Variants in TMEM248 observed in about 807,000 individuals in gnomAD.
TMEM248 encodes the protein transmembrane protein 248, also known as UPF0458 protein C7orf42.
In TMEM248, 9 loss-of-function variants were observed where a neutral mutation model predicts 30.3. That is an observed-to-expected ratio of 0.30 (90% CI 0.18 to 0.52). The LOEUF is 0.52. Ranked by LOEUF, TMEM248 falls within the 20% of genes least tolerant of loss-of-function variation. The pLI is 0.97. For missense variants in TMEM248, 338 were observed against 403.3 expected, an observed-to-expected ratio of 0.84 and a Z score of 1.39; for synonymous variants, 184 against 154.4, an observed-to-expected ratio of 1.19 and a Z score of -1.42.
chr7:66,941,146 G>A (rs1338463938), intron 1 of TMEM248, among the ~76,000 whole-genome samples: 1 of 152,084 alleles, frequency 6.6e-6, no homozygotes, highest in African/African-American at 2.4e-5. Context: ...ACTTTGGGGG[G>A]CCAAGGCAGG....
At chr7:66,927,733 A>G (rs563189546) in intron 1 of TMEM248, among the ~76,000 whole-genome samples, 46 of 151,892 alleles carry the variant, frequency 3.0e-4, no homozygotes, top group Middle Eastern at 3.4e-3. Context: ...TTGGGATTAC[A>G]GGCATGAAAC....
At chr7:66,935,190 T>C (rs1951243327) in intron 1 of TMEM248, among the ~76,000 whole-genome samples, 2 of 152,132 alleles carry the variant, frequency 1.3e-5, no homozygotes, top group South Asian at 2.1e-4. Context: ...ATTATTGTTA[T>C]TATTATTTTT....
At chr7:66,939,592 G>T (rs543021647) in intron 1 of TMEM248, among the ~76,000 whole-genome samples, 2 of 152,216 alleles carry the variant, frequency 1.3e-5, no homozygotes, top group Admixed American at 6.5e-5. Flanking sequence ...TGCTCATTGT[G>T]TGCCAGCTAC....
chr7:66,945,011 G>A lies in TMEM248; in HGVS notation c.195G>A (p.Leu65=). The A allele has an allele frequency of 6.2e-7, 1 of 1,614,122 alleles. No homozygotes were observed. The highest frequency in any genetic ancestry group is 2.2e-5 in the East Asian group (1 of 44,888). Residue 65 remains leucine (L), a synonymous_variant, in exon 3 of 7, where the codon TTG becomes TTA. Transcript: ENST00000341567. ...WNTFLLRFND[L]DLCVSENETL... is the part of the protein sequence containing the mutation. ...CTTTTCTGCTACGGTTCAATGATTT[G>A]GACTTGTGTGTATCAGAGAATGAAA...
At chr7:66,930,135 A>G (rs1247069913) in intron 1 of TMEM248, among the ~76,000 whole-genome samples, 1 of 152,158 alleles carries the variant, frequency 6.6e-6, no homozygotes, top group Non-Finnish European at 1.5e-5. Flanking sequence ...TAGCCTGGGC[A>G]CCAGAGCCAG....
intron 2 of TMEM248, 116 bp downstream of exon 2, chr7:66,942,140 T>C (rs976260199): frequency 6.1e-6 from 7 of 1,138,394 alleles, no homozygotes; most frequent in South Asian, 3.4e-5. Context: ...GTGAGAAAAA[T>C]CAGTATTTAT....
chr7:66,948,493 T>C (rs1222737190), intron 3 of TMEM248, 51 bp from the exon 4 acceptor site: 1 of 1,574,762 alleles, frequency 6.4e-7, no homozygotes. Context: ...TCCCAGAGAA[T>C]GACAAGTACG....
intron 1 of TMEM248, 56 bp from the exon 2 acceptor site, chr7:66,941,792 T>C: frequency 6.7e-7 from 1 of 1,488,020 alleles, no homozygotes; most frequent in South Asian, 1.4e-5. Flanking sequence ...AACAAAAGAA[T>C]CATAGCTTTC....
At chr7:66,935,351 G>A (rs889208197) in intron 1 of TMEM248, among the ~76,000 whole-genome samples, 4 of 151,678 alleles carry the variant, frequency 2.6e-5, no homozygotes, top group African/African-American at 7.3e-5. Flanking sequence ...CCTGTCTAAC[G>A]TTTGTATTTT....
intron 1 of TMEM248, among the ~76,000 whole-genome samples, chr7:66,930,352 G>A (rs1791632808): frequency 6.6e-6 from 1 of 152,162 alleles, no homozygotes; most frequent in African/African-American, 2.4e-5. Flanking sequence ...GAATGAGCGT[G>A]TCCCCCTTGA....
Position 66,945,118 on chromosome 7 carries a change from C to A in TMEM248, c.302C>A (p.Pro101His), listed in dbSNP as rs1240177333. 1 of 1,614,242 alleles carries A rather than the reference C, an allele frequency of 6.2e-7. No homozygotes were observed. ...SGQARASTQS[P>H]QALEDSGPVN... ...CAGGCCCGAGCTTCCACCCAGTCCC[C>A]CCAGGCCCTGGAGGACTCGGGCCCG... The change falls in exon 3 of 7, where the codon CCC (proline) becomes CAC (histidine). Residue 101 changes from proline to histidine, a missense_variant. Physicochemically the swap from Pro to His is moderately conservative, Grantham distance 77. Coordinates refer to ENST00000341567, the MANE Select transcript of TMEM248 (RefSeq NM_017994.5).
Position 66,953,238 on chromosome 7 carries a change from T to C in TMEM248, c.793T>C (p.Leu265=), listed in dbSNP as rs761736155. 13 of 1,614,014 alleles carry C rather than the reference T, an allele frequency of 8.1e-6. No individual in the cohort carries two copies. The African/African-American group carries it at 1.7e-4, about 22-fold the overall frequency. The change falls in exon 6 of 7, where the codon TTA becomes CTA. Residue 265 remains leucine, a synonymous_variant. Transcript: ENST00000341567. ...TVIVPDDDRS[L]INLHLMHTSY... ...CTTCTTTATTTAGGATGACCGTTCA[T>C]TAATAAATTTGCATCTCATGCACAC...
chr7:66,930,595 A>G (rs1174877671), intron 1 of TMEM248: 1 of 152,214 alleles, frequency 6.6e-6, no homozygotes, highest in African/African-American at 2.4e-5. Flanking sequence ...GTTGCTTCTC[A>G]CTTGTCTCTC....
intron 3 of TMEM248, among the ~76,000 whole-genome samples, chr7:66,946,456 C>T (rs1291713568): frequency 3.3e-5 from 5 of 150,230 alleles, no homozygotes; most frequent in Admixed American, 1.3e-4. Context: ...GGCAGGCGCC[C>T]GTGATCCCAG....
chr7:66,954,283 T>C (rs1000239817), intron 6 of TMEM248, among the ~76,000 whole-genome samples: 8 of 152,298 alleles, frequency 5.3e-5, no homozygotes, highest in African/African-American at 1.7e-4. Context: ...GTAAATACTA[T>C]GTAAATAGTT....
In TMEM248 at chr7:66,955,631, G is replaced by T. The variant is rs544203656; in HGVS notation, c.*109G>T. Reference sequence around the variant, plus strand: ...TGAATACATTATCTTGCGATGTTGGGTTATTCCAGCCAAAGACATTTCAAG... The same window carrying T: ...TGAATACATTATCTTGCGATGTTGGTTTATTCCAGCCAAAGACATTTCAAG... On this transcript the variant is annotated 3_prime_UTR_variant, in exon 7 of 7. Transcript: ENST00000341567. 7.5e-7 allele frequency: 1 copy of T among 1,329,336 alleles called. No individual in the cohort carries two copies. The highest frequency in any genetic ancestry group is 1.1e-6 in the Non-Finnish European group (1 of 945,778). The allele number at this position is 1,329,336 out of a possible 1,614,324, so 82.3% of individuals were successfully genotyped here. A position where few individuals can be genotyped will look rare whatever the true frequency, so the allele number is the denominator to read the frequency against.
intron 1 of TMEM248, among the ~76,000 whole-genome samples, chr7:66,933,941 G>T (rs1016311717): frequency 2.0e-5 from 3 of 151,630 alleles, no homozygotes; most frequent in Non-Finnish European, 4.4e-5. Flanking sequence ...GGGTCAAATA[G>T]TGTGCTTTCT....
At chr7:66,937,390 G>C (rs965608268) in intron 1 of TMEM248, among the ~76,000 whole-genome samples, 1 of 152,196 alleles carries the variant, frequency 6.6e-6, no homozygotes, top group African/African-American at 2.4e-5. Flanking sequence ...TTGGTCTGTA[G>C]TGCAGATTAA....
intron 1 of TMEM248, among the ~76,000 whole-genome samples, chr7:66,933,925 C>T (rs529260320): frequency 2.6e-4 from 40 of 151,254 alleles, no homozygotes; most frequent in Admixed American, 1.8e-3. Flanking sequence ...ATGAATTTAG[C>T]GGGAGGGGTC....
Sources: gnomAD v4.1 joint callset for allele counts (sites outside exome capture counted in the v4.1 genomes callset) on GRCh38, gnomAD v4.1.1 for gene constraint, MANE v1.5 for transcripts, NCBI Gene and HGNC (gene_info 2026-07-23, HGNC 2026-07-21) for gene names.